KIF6: variants seen among roughly 807,000 people sequenced by gnomAD.
The protein encoded by KIF6 is kinesin-like protein KIF6.
A neutral mutation model predicts 112.7 loss-of-function variants in KIF6; 106 were observed. The ratio of observed to expected loss-of-function variants is 0.94; its 90% confidence interval spans 0.80 to 1.11. The LOEUF (loss-of-function observed/expected upper bound fraction) is 1.11, where lower values mean the gene tolerates loss of function less well. Among genes scored for constraint, KIF6 ranks in the 50% least tolerant of loss-of-function variants. The pLI is 0.00. For synonymous variants in KIF6, 339 were observed against 339.9 expected (o/e 1.00, Z 0.03); for missense variants, 929 against 964.0 (o/e 0.96, Z 0.48).
At chr6:39,596,580 T>G (rs1782280786) in intron 6 of KIF6, among the ~76,000 whole-genome samples, 1 of 152,172 alleles carries the variant, frequency 6.6e-6, no homozygotes, top group Non-Finnish European at 1.5e-5. Flanking sequence ...GGCTTAATGC[T>G]TGAAAATGCT....
intron 13 of KIF6, among the ~76,000 whole-genome samples, chr6:39,536,448 T>C (rs994483436): frequency 6.6e-6 from 1 of 151,422 alleles, no homozygotes; most frequent in South Asian, 2.1e-4. Flanking sequence ...TCTATGCAAA[T>C]AAACTAGAAA....
chr6:39,712,477 A>T (rs934347392), intron 3 of KIF6, among the ~76,000 whole-genome samples: 1 of 152,194 alleles, frequency 6.6e-6, no homozygotes, highest in Non-Finnish European at 1.5e-5. Flanking sequence ...CATGGAGTTT[A>T]TCACATCAGT....
At chr6:39,614,948 T>C (rs1217944151) in intron 5 of KIF6, among the ~76,000 whole-genome samples, 2 of 152,102 alleles carry the variant, frequency 1.3e-5, no homozygotes, top group African/African-American at 2.4e-5. Context: ...CTGGGGCTTA[T>C]AGGTGAGAGA....
chr6:39,624,978 G>A (rs960391778), intron 5 of KIF6, among the ~76,000 whole-genome samples: 1 of 148,676 alleles, frequency 6.7e-6, no homozygotes, highest in Non-Finnish European at 1.5e-5. Context: ...CGGTTTAAAT[G>A]AGGACATGAG....
chr6:39,500,210 C>A (rs954905559), intron 13 of KIF6, among the ~76,000 whole-genome samples: 2 of 152,110 alleles, frequency 1.3e-5, no homozygotes, highest in Non-Finnish European at 2.9e-5. Flanking sequence ...CCAGGCAGTG[C>A]CAATGGCATG....
At chr6:39,527,647 C>G (rs1053926076) in intron 13 of KIF6, among the ~76,000 whole-genome samples, 7 of 152,216 alleles carry the variant, frequency 4.6e-5, no homozygotes, top group African/African-American at 1.7e-4. Context: ...CCATCTATTC[C>G]TTTACTCCCT....
intron 3 of KIF6, among the ~76,000 whole-genome samples, chr6:39,694,905 C>T (rs113729568): frequency 1.8e-3 from 281 of 152,126 alleles, no homozygotes; most frequent in African/African-American, 6.5e-3. Flanking sequence ...ATCACATTAC[C>T]CAACTTCAAA....
intron 6 of KIF6, among the ~76,000 whole-genome samples, chr6:39,612,244 C>G (rs924348154): frequency 6.6e-6 from 1 of 152,188 alleles, no homozygotes; most frequent in Non-Finnish European, 1.5e-5. Flanking sequence ...TCTCGGACTA[C>G]TTATGCTTTC....
chr6:39,571,995 C>T (rs1298780725), intron 10 of KIF6, among the ~76,000 whole-genome samples: 1 of 152,024 alleles, frequency 6.6e-6, no homozygotes, highest in Non-Finnish European at 1.5e-5. Flanking sequence ...AGTGACTTCC[C>T]TCATTTCTGA....
chr6:39,409,537 G>A (rs1232165372), intron 15 of KIF6, among the ~76,000 whole-genome samples: 2 of 152,242 alleles, frequency 1.3e-5, no homozygotes, highest in South Asian at 2.1e-4. Flanking sequence ...TCTGCGTGGT[G>A]TTTCACTATC....
intron 13 of KIF6, among the ~76,000 whole-genome samples, chr6:39,476,186 T>C (rs1774417115): frequency 6.6e-6 from 1 of 151,100 alleles, no homozygotes. Context: ...CCTGCACATG[T>C]ATCCCAGAAC....
intron 16 of KIF6, among the ~76,000 whole-genome samples, chr6:39,383,919 T>C (rs925946257): frequency 6.6e-5 from 10 of 152,234 alleles, no homozygotes; most frequent in African/African-American, 2.4e-4. Context: ...GTGGCTATTG[T>C]AAATGGGTTG....
At chr6:39,629,969 C>T (rs991144639) in intron 5 of KIF6, among the ~76,000 whole-genome samples, 1 of 152,018 alleles carries the variant, frequency 6.6e-6, no homozygotes, top group Non-Finnish European at 1.5e-5. Context: ...ATTGCCTTCG[C>T]TTCTTTGTCA....
chr6:39,619,010 C>A (rs1323407700), intron 5 of KIF6, among the ~76,000 whole-genome samples: 1 of 152,164 alleles, frequency 6.6e-6, no homozygotes, highest in African/African-American at 2.4e-5. Context: ...TTCTTATTGG[C>A]TCAAAATAAA....
At chr6:39,477,950 A>C (rs1002665293) in intron 13 of KIF6, among the ~76,000 whole-genome samples, 2 of 152,192 alleles carry the variant, frequency 1.3e-5, no homozygotes, top group Non-Finnish European at 2.9e-5. Flanking sequence ...CATATATAGA[A>C]AGTGAAATGG....
chr6:39,388,338 G>C (rs1215269631), intron 15 of KIF6, among the ~76,000 whole-genome samples: 1 of 149,632 alleles, frequency 6.7e-6, no homozygotes, highest in African/African-American at 2.5e-5. Context: ...CCCCTGGTTT[G>C]GGAGGAGCTG....
intron 3 of KIF6, among the ~76,000 whole-genome samples, chr6:39,689,138 G>C (rs1055743794): frequency 6.6e-6 from 1 of 151,528 alleles, no homozygotes; most frequent in South Asian, 2.1e-4. Flanking sequence ...GAAAAGACAA[G>C]GAAAGAAAAG....
intron 6 of KIF6, among the ~76,000 whole-genome samples, chr6:39,598,181 CA>C (rs1782379379): frequency 6.6e-6 from 1 of 151,868 alleles, no homozygotes; most frequent in Non-Finnish European, 1.5e-5. Flanking sequence ...AGTGAGACTC[CA>C]TCTCAAAAAT....
At chr6:39,527,406 C>T (rs1777796917) in intron 13 of KIF6, among the ~76,000 whole-genome samples, 1 of 152,056 alleles carries the variant, frequency 6.6e-6, no homozygotes, top group Admixed American at 6.6e-5. Context: ...TTTACTTGCT[C>T]TCCAGGCACC....
Sources: allele counts gnomAD v4.1 joint callset (sites outside exome capture counted in the v4.1 genomes callset), GRCh38; gene constraint gnomAD v4.1.1; transcripts MANE v1.5; gene names NCBI Gene and HGNC (gene_info 2026-07-23, HGNC 2026-07-21).